CFAP95: variants seen among roughly 807,000 people sequenced by gnomAD.
CFAP95 encodes cilia- and flagella-associated protein 95.
chr9:69,862,166 G>C, the CFAP95 span, among the ~76,000 whole-genome samples: 1 of 152,150 alleles, frequency 6.6e-6, no homozygotes, highest in Non-Finnish European at 1.5e-5. Flanking sequence ...TTCTGATGTT[G>C]AACAGCAAAT....
At chr9:69,887,032 G>T in the CFAP95 span, 1 of 630,634 alleles carries the variant, frequency 1.6e-6, no homozygotes, top group Non-Finnish European at 2.7e-6. Context: ...GATATTAGCT[G>T]TTTATTGGAA....
At chr9:69,852,230 C>G in the CFAP95 span, among the ~76,000 whole-genome samples, 1 of 151,448 alleles carries the variant, frequency 6.6e-6, no homozygotes, top group Non-Finnish European at 1.5e-5. Context: ...GCTTAACAGG[C>G]TAAAATAAGA....
the CFAP95 span, among the ~76,000 whole-genome samples, chr9:69,838,697 C>T: frequency 6.6e-6 from 1 of 151,462 alleles, no homozygotes; most frequent in South Asian, 2.1e-4. Flanking sequence ...ATTTGACTTC[C>T]TCTTTTCCTA....
At chr9:69,862,920 G>C in the CFAP95 span, among the ~76,000 whole-genome samples, 3 of 152,152 alleles carry the variant, frequency 2.0e-5, no homozygotes, top group Non-Finnish European at 4.4e-5. Flanking sequence ...CAGCTAGAAT[G>C]TTTGACACCA....
chr9:69,860,463 G>A, the CFAP95 span, among the ~76,000 whole-genome samples: 1 of 152,038 alleles, frequency 6.6e-6, no homozygotes, highest in Non-Finnish European at 1.5e-5. Context: ...CCTCTCATCG[G>A]ACCCCACCTC....
chr9:69,880,051 G>GAT, the CFAP95 span, among the ~76,000 whole-genome samples: 96,518 of 151,616 alleles, frequency 0.64, 31,031 homozygotes, highest in East Asian at 0.82. Context: ...GAATACATGA[G>GAT]ATTTTGGTAC....
At chr9:69,905,537 G>T in the CFAP95 span, among the ~76,000 whole-genome samples, 1 of 152,026 alleles carries the variant, frequency 6.6e-6, no homozygotes, top group African/African-American at 2.4e-5. Flanking sequence ...AGTATGACTT[G>T]GTAACAATTA....
At chr9:69,895,512 T>A in the CFAP95 span, among the ~76,000 whole-genome samples, 7 of 152,144 alleles carry the variant, frequency 4.6e-5, no homozygotes, top group East Asian at 1.9e-4. Context: ...GTCTCAATGA[T>A]CTTTTCCCAT....
chr9:69,895,943 G>A, the CFAP95 span, among the ~76,000 whole-genome samples: 2 of 152,140 alleles, frequency 1.3e-5, no homozygotes, highest in African/African-American at 2.4e-5. Context: ...TTACAGGCGT[G>A]AGCTGCTGCG....
the CFAP95 span, among the ~76,000 whole-genome samples, chr9:69,895,228 A>G: frequency 6.6e-6 from 1 of 152,142 alleles, no homozygotes; most frequent in African/African-American, 2.4e-5. Flanking sequence ...GCAAAAAACT[A>G]AGGTTTTCTG....
At chr9:69,847,442 T>C in the CFAP95 span, among the ~76,000 whole-genome samples, 4 of 152,194 alleles carry the variant, frequency 2.6e-5, no homozygotes, top group Admixed American at 6.5e-5. Context: ...TGGCTCTAAA[T>C]GCTAAGATCT....
the CFAP95 span, among the ~76,000 whole-genome samples, chr9:69,899,759 C>A: frequency 6.6e-6 from 1 of 152,150 alleles, no homozygotes; most frequent in African/African-American, 2.4e-5. Flanking sequence ...CCTACATGAC[C>A]CAGCTCCCAG....
the CFAP95 span, among the ~76,000 whole-genome samples, chr9:69,864,970 G>T: frequency 1.3e-5 from 2 of 152,126 alleles, no homozygotes; most frequent in Non-Finnish European, 2.9e-5. Context: ...GGTAGGCTTT[G>T]TGTCCCCACC....
At chr9:69,874,892 C>T in the CFAP95 span, among the ~76,000 whole-genome samples, 11 of 152,210 alleles carry the variant, frequency 7.2e-5, no homozygotes, top group East Asian at 3.9e-4. Flanking sequence ...TCAGTAAGTC[C>T]GGGTTGGTGG....
chr9:69,833,042 A>G, the CFAP95 span, among the ~76,000 whole-genome samples: 31 of 152,292 alleles, frequency 2.0e-4, no homozygotes, highest in Non-Finnish European at 5.9e-5. Flanking sequence ...TGCCATACAA[A>G]TCACCCTTTT....
chr9:69,836,762 G>C, the CFAP95 span, among the ~76,000 whole-genome samples: 3 of 145,754 alleles, frequency 2.1e-5, no homozygotes, highest in Non-Finnish European at 3.0e-5. Flanking sequence ...TAAGTTTTAG[G>C]GTACATGTGC....
chr9:69,833,492 C>T, the CFAP95 span, among the ~76,000 whole-genome samples: 8 of 152,146 alleles, frequency 5.3e-5, no homozygotes, highest in African/African-American at 1.7e-4. Context: ...TGAGCTATTG[C>T]ACCTGGCCAA....
At chr9:69,898,810 AT>A in the CFAP95 span, among the ~76,000 whole-genome samples, 1 of 152,080 alleles carries the variant, frequency 6.6e-6, no homozygotes. Flanking sequence ...CCAAATAAAC[AT>A]TTTTTACTGA....
At chr9:69,843,549 CTCCTCCTCCT>C in the CFAP95 span, among the ~76,000 whole-genome samples, 116 of 23,496 alleles carry the variant, frequency 4.9e-3, 15 homozygotes, top group Non-Finnish European at 8.6e-3. Context: ...CCTCCTCCTC[CTCCTCCTCCT>C]TCTTCTTCTT....
Sources: gnomAD v4.1 joint callset for allele counts (sites outside exome capture counted in the v4.1 genomes callset) on GRCh38, gnomAD v4.1.1 for gene constraint, MANE v1.5 for transcripts, NCBI Gene and HGNC (gene_info 2026-07-23, HGNC 2026-07-21) for gene names.